SLC39A11: variants seen among roughly 807,000 people sequenced by gnomAD.
SLC39A11 encodes solute carrier family 39 member 11, also known as zinc transporter ZIP11.
SLC39A11 carries 33 observed loss-of-function variants against 36.1 expected under a neutral mutation model. The observed-to-expected ratio is 0.91, with a 90% CI of 0.69 to 1.22. The LOEUF (loss-of-function observed/expected upper bound fraction) is 1.22, where lower values mean the gene tolerates loss of function less well. Ranked by LOEUF, SLC39A11 falls within the 50% of genes most tolerant of loss-of-function variation. The pLI is 0.00. For missense variants in SLC39A11, 432 were observed against 430.3 expected, an observed-to-expected ratio of 1.00 and a Z score of -0.03; for synonymous variants, 166 against 170.3, an observed-to-expected ratio of 0.97 and a Z score of 0.20.
intron 4 of SLC39A11, among the ~76,000 whole-genome samples, chr17:73,014,226 T>C (rs535217771): frequency 1.9e-3 from 297 of 152,332 alleles, no homozygotes; most frequent in Middle Eastern, 3.4e-3. Context: ...TTTCAGTTTA[T>C]AATGAGATGA....
chr17:72,993,155 A>G (rs1434040471), intron 4 of SLC39A11, among the ~76,000 whole-genome samples: 1 of 152,160 alleles, frequency 6.6e-6, no homozygotes, highest in Non-Finnish European at 1.5e-5. Flanking sequence ...GACACAGCCA[A>G]ACCATATCGG....
intron 7 of SLC39A11, among the ~76,000 whole-genome samples, chr17:72,715,961 T>A (rs1363024779): frequency 1.3e-5 from 2 of 152,072 alleles, no homozygotes; most frequent in East Asian, 1.9e-4. Context: ...CCTCCCAAAG[T>A]GTTGGGATTA....
At chr17:73,013,926 G>A (rs748032567) in intron 4 of SLC39A11, among the ~76,000 whole-genome samples, 5 of 152,076 alleles carry the variant, frequency 3.3e-5, no homozygotes, top group Non-Finnish European at 7.4e-5. Context: ...GAGGCCCAGC[G>A]ATTTGATGGA....
intron 2 of SLC39A11, among the ~76,000 whole-genome samples, chr17:73,086,917 G>A (rs1481666771): frequency 5.3e-5 from 8 of 151,974 alleles, no homozygotes; most frequent in Admixed American, 2.6e-4. Flanking sequence ...TTAGCTGAGC[G>A]TGGTGGTGTA....
chr17:72,917,787 G>C (rs1348647532), intron 5 of SLC39A11, among the ~76,000 whole-genome samples: 1 of 152,224 alleles, frequency 6.6e-6, no homozygotes. Context: ...CAGTAGGTCA[G>C]GATTAATGAG....
At chr17:72,692,329 T>C (rs1315020540) in intron 7 of SLC39A11, among the ~76,000 whole-genome samples, 1 of 152,192 alleles carries the variant, frequency 6.6e-6, no homozygotes, top group Non-Finnish European at 1.5e-5. Context: ...GCATTTTTAT[T>C]AAACTGCTCA....
chr17:72,733,220 G>A (rs2074298601), intron 7 of SLC39A11, among the ~76,000 whole-genome samples: 1 of 152,100 alleles, frequency 6.6e-6, no homozygotes, highest in Admixed American at 6.6e-5. Flanking sequence ...TCTAGCATCT[G>A]GCATTTCTTT....
At chr17:72,723,075 G>C (rs923573440) in intron 7 of SLC39A11, among the ~76,000 whole-genome samples, 1 of 152,168 alleles carries the variant, frequency 6.6e-6, no homozygotes, top group Non-Finnish European at 1.5e-5. Context: ...TTTGGGGGAC[G>C]TCTTCATTGT....
At chr17:73,049,258 C>T (rs2059418105) in intron 3 of SLC39A11, among the ~76,000 whole-genome samples, 1 of 152,176 alleles carries the variant, frequency 6.6e-6, no homozygotes, top group African/African-American at 2.4e-5. Context: ...GGACTGGGGG[C>T]AGGGGCTTCA....
At position 72,900,510 on chromosome 17, in the gene SLC39A11, G is replaced by A. The variant is rs908390115; in HGVS notation, c.430+47242C>T. On this transcript the variant is annotated intron_variant, in intron 5 of 9. Transcript: ENST00000255559. ...GGTGACAGTAAATGAGTCCAGAGGG[G>A]CAGCCAGGACCCTGATCCTGGAAGT... 3.3e-5 allele frequency among the ~76,000 whole-genome samples: 5 copies of A among 152,144 alleles called. 1 individual carries two copies. In the East Asian group the frequency reaches 9.6e-4, roughly 29 times the overall value.
intron 5 of SLC39A11, among the ~76,000 whole-genome samples, chr17:72,903,928 A>G (rs182583652): frequency 1.2e-4 from 18 of 152,240 alleles, no homozygotes; most frequent in African/African-American, 4.1e-4. Context: ...CTGGGCAGGA[A>G]AAAAAGTCTG....
chr17:72,733,558 G>A (rs145079817), intron 7 of SLC39A11, among the ~76,000 whole-genome samples: 73 of 152,252 alleles, frequency 4.8e-4, no homozygotes, highest in African/African-American at 1.7e-3. Context: ...GGCAGGCAGG[G>A]GCTGGTGCAC....
intron 5 of SLC39A11, among the ~76,000 whole-genome samples, chr17:72,922,589 C>T (rs1009933637): frequency 3.3e-5 from 5 of 152,312 alleles, no homozygotes; most frequent in South Asian, 2.1e-4. Context: ...ACAGGATATG[C>T]TGCCACTTCC....
intron 3 of SLC39A11, among the ~76,000 whole-genome samples, chr17:73,035,863 CAAAAAAAAAAAAAAA>C: frequency 1.5e-5 from 1 of 65,550 alleles, no homozygotes; most frequent in East Asian, 5.0e-4. Flanking sequence ...CACTCCATCT[CAAAAAAAAAAAAAAA>C]AAAAAAAAAG....
rs140108885 is a variant in SLC39A11 at position 72,780,520 on chromosome 17, T to TGGGGG, written c.602-43806_602-43802dup. 1.9e-3 allele frequency among the ~76,000 whole-genome samples: 107 copies of TGGGGG among 55,540 alleles called. 1 individual carries two copies. Among genetic ancestry groups the TGGGGG allele is most frequent in the Non-Finnish European group, 2.5e-3 (73 of 29,314 alleles). 36.4% of individuals were successfully genotyped at this position (55,540 alleles called of 152,430 possible). On this transcript the variant is annotated intron_variant, in intron 6 of 9. Coordinates refer to ENST00000255559, the MANE Select transcript of SLC39A11 (RefSeq NM_139177.4). ...CGCACAGTGCTAAGGGCCCTGAAGA[T>TGGGGG]GGGGGGCGGGTGGGGGCACAACTGT...
chr17:73,011,649 G>A (rs2090522608), intron 4 of SLC39A11, among the ~76,000 whole-genome samples: 1 of 129,482 alleles, frequency 7.7e-6, no homozygotes, highest in Non-Finnish European at 1.7e-5. Flanking sequence ...TGTACCTCTG[G>A]TTTTCTGGTT....
chr17:72,980,161 A>T (rs543268850), intron 4 of SLC39A11, among the ~76,000 whole-genome samples: 1 of 152,362 alleles, frequency 6.6e-6, no homozygotes, highest in East Asian at 1.9e-4. Context: ...TCATCTAAAG[A>T]ACGATTATTA....
chr17:72,781,108 C>T (rs944875966), intron 6 of SLC39A11, among the ~76,000 whole-genome samples: 3 of 152,210 alleles, frequency 2.0e-5, no homozygotes, highest in Non-Finnish European at 4.4e-5. Flanking sequence ...CTCCTCTTTC[C>T]TGGGCTTCAC....
At chr17:72,831,902 G>A (rs146490236) in intron 6 of SLC39A11, among the ~76,000 whole-genome samples, 9 of 152,300 alleles carry the variant, frequency 5.9e-5, no homozygotes, top group Admixed American at 1.3e-4. Flanking sequence ...ACGCAGATGG[G>A]CTGCAAAGAT....
Sources: gnomAD v4.1 joint callset for allele counts (sites outside exome capture counted in the v4.1 genomes callset) on GRCh38, gnomAD v4.1.1 for gene constraint, MANE v1.5 for transcripts, NCBI Gene and HGNC (gene_info 2026-07-23, HGNC 2026-07-21) for gene names.